The following SNX29 variants were observed in gnomAD, a reference collection of about 807,000 sequenced individuals.
SNX29 encodes the protein sorting nexin-29.
A neutral mutation model predicts 102.1 loss-of-function variants in SNX29; 78 were observed. The ratio of observed to expected loss-of-function variants is 0.76; its 90% CI spans 0.64 to 0.92. The LOEUF (loss-of-function observed/expected upper bound fraction) is 0.92. Among genes scored for constraint, SNX29 ranks in the 40% least tolerant of loss-of-function variants. SNX29 has a pLI of 0.00. For synonymous variants in SNX29, 580 were observed against 414.5 expected, an observed-to-expected ratio of 1.40 and a Z score of -4.85; for missense variants, 1,280 against 1,061.7, an observed-to-expected ratio of 1.21 and a Z score of -2.86.
chr16:12,380,826 TCCAC>T (rs1209507387), intron 16 of SNX29, among the ~76,000 whole-genome samples: 10 of 43,418 alleles, frequency 2.3e-4, no homozygotes, highest in African/African-American at 5.3e-4. Context: ...CCGCCATCCA[TCCAC>T]CCACCCACCC....
chr16:12,309,474 T>G (rs182725064), intron 15 of SNX29, among the ~76,000 whole-genome samples: 23 of 152,320 alleles, frequency 1.5e-4, no homozygotes, highest in Admixed American at 6.5e-4. Flanking sequence ...TTGGCCCCTC[T>G]GTCTCATTTT....
chr16:12,455,165 G>A (rs2086480101), intron 18 of SNX29, among the ~76,000 whole-genome samples: 1 of 152,158 alleles, frequency 6.6e-6, no homozygotes, highest in African/African-American at 2.4e-5. Context: ...CCTCCTTCTA[G>A]ACGACCTGAG....
intron 11 of SNX29, among the ~76,000 whole-genome samples, chr16:12,115,645 G>A (rs899292095): frequency 1.3e-5 from 2 of 152,276 alleles, no homozygotes; most frequent in African/African-American, 4.8e-5. Context: ...CTGATTTTGT[G>A]TTTTGCAGTG....
At chr16:12,248,371 CCTCT>C (rs2078321379) in intron 14 of SNX29, among the ~76,000 whole-genome samples, 1 of 151,668 alleles carries the variant, frequency 6.6e-6, no homozygotes. Context: ...TGGCTCTCTT[CCTCT>C]CCCCATCCAG....
chr16:12,261,870 T>C (rs1789164961), intron 14 of SNX29, among the ~76,000 whole-genome samples: 1 of 132,762 alleles, frequency 7.5e-6, no homozygotes, highest in African/African-American at 2.9e-5. Context: ...CTGGCTGGAG[T>C]GAGTGTTTGC....
chr16:12,073,739 C>A (rs7500370), intron 10 of SNX29, among the ~76,000 whole-genome samples: 33,582 of 151,772 alleles, frequency 0.22, 3,898 homozygotes, highest in South Asian at 0.34. Context: ...CTTTCTGTCT[C>A]GTTGATCTGT....
chr16:12,543,141 G>T (rs2077419422), intron 20 of SNX29, among the ~76,000 whole-genome samples: 1 of 152,144 alleles, frequency 6.6e-6, no homozygotes, highest in African/African-American at 2.4e-5. Flanking sequence ...TTTAGATCCA[G>T]GCCCTGAAGC....
chr16:12,414,936 TG>T (rs1215355531), intron 18 of SNX29, among the ~76,000 whole-genome samples: 2 of 152,196 alleles, frequency 1.3e-5, no homozygotes, highest in Non-Finnish European at 2.9e-5. Flanking sequence ...TTGGCTAGGC[TG>T]GTCTCGAACT....
At chr16:12,457,792 G>A (rs1446702877) in intron 18 of SNX29, among the ~76,000 whole-genome samples, 4 of 152,132 alleles carry the variant, frequency 2.6e-5, no homozygotes, top group Non-Finnish European at 4.4e-5. Flanking sequence ...GCTATCTTAC[G>A]GGCATTGTTA....
At chr16:12,289,073 T>A (rs949194441) in intron 15 of SNX29, among the ~76,000 whole-genome samples, 4 of 152,186 alleles carry the variant, frequency 2.6e-5, no homozygotes, top group Non-Finnish European at 1.5e-5. Context: ...ACTAGAACGA[T>A]GGAAGAGATA....
At chr16:11,980,180 C>G (rs567291442) in intron 1 of SNX29, among the ~76,000 whole-genome samples, 44 of 152,234 alleles carry the variant, frequency 2.9e-4, no homozygotes, top group African/African-American at 8.4e-4. Flanking sequence ...TTCCCCCTCC[C>G]CTCAGACCCT....
intron 20 of SNX29, among the ~76,000 whole-genome samples, chr16:12,534,900 C>T (rs574445321): frequency 1.7e-4 from 26 of 152,280 alleles, no homozygotes; most frequent in Non-Finnish European, 3.2e-4. Flanking sequence ...TGGGTAGAGG[C>T]AAGGGATGTA....
intron 14 of SNX29, among the ~76,000 whole-genome samples, chr16:12,259,815 C>T (rs1373031494): frequency 6.6e-6 from 1 of 152,134 alleles, no homozygotes; most frequent in Non-Finnish European, 1.5e-5. Flanking sequence ...CCCAGCCCTC[C>T]CCATGTGACT....
chr16:12,082,596 G>T (rs2051959926), intron 11 of SNX29, among the ~76,000 whole-genome samples: 1 of 152,094 alleles, frequency 6.6e-6, no homozygotes, highest in Non-Finnish European at 1.5e-5. Context: ...TTATTATTTG[G>T]CATTTTGAGC....
chr16:12,092,052 A>AGAAGAG (rs1397747542), intron 11 of SNX29, among the ~76,000 whole-genome samples: 5 of 152,164 alleles, frequency 3.3e-5, no homozygotes, highest in African/African-American at 1.2e-4. Context: ...CCGTCCATCT[A>AGAAGAG]GAAGAGCGCA....
chr16:12,024,704 T>A (rs903601597), intron 3 of SNX29, among the ~76,000 whole-genome samples: 1 of 152,206 alleles, frequency 6.6e-6, no homozygotes, highest in Non-Finnish European at 1.5e-5. Flanking sequence ...TCCATTCCTC[T>A]TAGGGCCCTG....
In SNX29 at chr16:12,570,593, C is replaced by T; in HGVS notation, c.*1964C>T. 1 of 232,134 alleles carries T rather than the reference C, an allele frequency of 4.3e-6. No individual in the cohort carries two copies. Among genetic ancestry groups the T allele is most frequent in the Non-Finnish European group, 8.5e-6 (1 of 117,406 alleles). The allele number at this position is 232,134 out of a possible 1,614,324, so 14.4% of individuals were successfully genotyped here. A position where few individuals can be genotyped will look rare whatever the true frequency, so the allele number is the denominator to read the frequency against. ...AGTGCCTCCCTGGCCTGGGTAGCTA[C>T]CCTGGAGGTCATCTCCCTGTTCTCT... is the stretch of plus-strand genomic sequence containing the variant. On this transcript the variant is annotated 3_prime_UTR_variant, in exon 21 of 21. Coordinates refer to ENST00000566228, the MANE Select transcript of SNX29 (RefSeq NM_032167.5).
intron 18 of SNX29, among the ~76,000 whole-genome samples, chr16:12,416,000 A>C (rs1226880944): frequency 6.6e-6 from 1 of 152,048 alleles, no homozygotes. Context: ...GAATGTGGCC[A>C]GGGCCGTACT....
intron 18 of SNX29, among the ~76,000 whole-genome samples, chr16:12,473,326 C>T (rs1331032704): frequency 1.3e-5 from 2 of 152,102 alleles, no homozygotes; most frequent in African/African-American, 2.4e-5. Flanking sequence ...AGACTAGCTT[C>T]GATTAGATCC....
Sources: allele counts gnomAD v4.1 joint callset (sites outside exome capture counted in the v4.1 genomes callset), GRCh38; gene constraint gnomAD v4.1.1; transcripts MANE v1.5; gene names NCBI Gene and HGNC (gene_info 2026-07-23, HGNC 2026-07-21).